Variants in ELSPBP1 observed in about 807,000 individuals in gnomAD.
ELSPBP1 encodes epididymal sperm-binding protein 1.
ELSPBP1 carries 38 observed loss-of-function variants against 33.3 expected under a neutral mutation model. The ratio of observed to expected loss-of-function variants is 1.14; its 90% CI spans 0.88 to 1.50. The LOEUF is 1.50. ELSPBP1 is among the 40% of genes most tolerant of loss of function. The pLI, the probability that ELSPBP1 is intolerant of heterozygous loss-of-function variation, is 0.00. For missense variants in ELSPBP1, 267 were observed against 263.5 expected, an observed-to-expected ratio of 1.01 and a Z score of -0.09; for synonymous variants, 85 against 94.1, an observed-to-expected ratio of 0.90 and a Z score of 0.56.
At chr19:48,017,045 CAGCTCTATG>C (rs896135580) in intron 4 of ELSPBP1, among the ~76,000 whole-genome samples, 1 of 152,210 alleles carries the variant, frequency 6.6e-6, no homozygotes, top group African/African-American at 2.4e-5. Flanking sequence ...CTTTCCATAG[CAGCTCTATG>C]AGCTGCTGCT....
At chr19:48,001,753 G>A (rs370720301) in intron 1 of ELSPBP1, among the ~76,000 whole-genome samples, 3 of 150,814 alleles carry the variant, frequency 2.0e-5, no homozygotes, top group African/African-American at 7.3e-5. Context: ...GGGTCTCACT[G>A]TGTTACCTAG....
chr19:48,006,380 G>A (rs150888963), intron 1 of ELSPBP1, among the ~76,000 whole-genome samples: 1,720 of 152,088 alleles, frequency 0.011, 23 homozygotes, highest in African/African-American at 0.04. Context: ...TTAAGAGGCC[G>A]AGGCGGGTGG....
Position 48,011,746 on chromosome 19 carries a change from G to A in ELSPBP1, c.71-2425G>A, listed in dbSNP as rs1967082066. Among the ~76,000 whole-genome samples the A allele has an allele frequency of 6.6e-6, 1 of 151,828 alleles. No homozygotes were observed. Among genetic ancestry groups the A allele is most frequent in the Non-Finnish European group, 1.5e-5 (1 of 67,956 alleles). The stretch of plus-strand genomic sequence containing the variant: ...CATTATGATGATGCCAATGACAATA[G>A]CGTGGAGAATGATGATGATGACAGT... On this transcript the variant is annotated intron_variant, in intron 2 of 6. Transcript: ENST00000339841. The surrounding 1 kb of genome is among the most constrained non-coding windows in gnomAD (Gnocchi z 4.5).
At chr19:47,994,951 G>A (rs569765146) in intron 1 of ELSPBP1, 140 bp downstream of exon 1, 1 of 152,164 alleles carries the variant, frequency 6.6e-6, no homozygotes, top group Non-Finnish European at 1.5e-5. Flanking sequence ...TTTTATAGCA[G>A]AAGCACTTTA....
At chr19:48,009,406 A>G (rs1208869579) in intron 2 of ELSPBP1, among the ~76,000 whole-genome samples, 2 of 152,222 alleles carry the variant, frequency 1.3e-5, no homozygotes, top group African/African-American at 2.4e-5. Context: ...CCCAACCTGG[A>G]CAACCTAATT....
chr19:47,998,680 G>A lies in ELSPBP1; in HGVS notation c.-18+3869G>A, dbSNP rs190486599. Among the ~76,000 whole-genome samples, 587 of 152,014 alleles carry A rather than the reference G, an allele frequency of 3.9e-3. 1 individual carries two copies. Among genetic ancestry groups the A allele is most frequent in the African/African-American group, 0.014 (560 of 41,456 alleles). On this transcript the variant is annotated intron_variant, in intron 1 of 6. Coordinates refer to ENST00000339841, the MANE Select transcript of ELSPBP1 (RefSeq NM_022142.5). ...TGGGCGCCTGTAGTCCCAGCTACGC[G>A]GGAGGCTGAGGCAGGAGAATGGCGT...
intron 1 of ELSPBP1, among the ~76,000 whole-genome samples, chr19:48,003,791 C>T (rs1183075807): frequency 6.6e-6 from 1 of 151,318 alleles, no homozygotes; most frequent in Non-Finnish European, 1.5e-5. Context: ...GACGATCTGC[C>T]CACCTCATCC....
chr19:48,007,040 C>T (rs1435334126), intron 1 of ELSPBP1, among the ~76,000 whole-genome samples: 2 of 152,042 alleles, frequency 1.3e-5, no homozygotes, highest in South Asian at 2.1e-4. Context: ...TGATTCCTGG[C>T]GGTATCTGGG....
intron 2 of ELSPBP1, among the ~76,000 whole-genome samples, chr19:48,012,158 C>T (rs1452644221): frequency 6.6e-6 from 1 of 152,184 alleles, no homozygotes; most frequent in East Asian, 1.9e-4. Context: ...CAGGGTCTCA[C>T]TCTGTCACCC....
chr19:48,016,447 TTC>T (rs1259768276), intron 4 of ELSPBP1, among the ~76,000 whole-genome samples: 3 of 148,210 alleles, frequency 2.0e-5, no homozygotes, highest in African/African-American at 7.5e-5. Context: ...TCCCTCCCTT[TTC>T]TCTTTCTTTT....
chr19:48,014,883 G>A (rs1967115264), intron 3 of ELSPBP1, among the ~76,000 whole-genome samples: 2 of 152,126 alleles, frequency 1.3e-5, no homozygotes, highest in South Asian at 4.1e-4. Flanking sequence ...TGTAAGACTA[G>A]TTGACCCAAT....
intron 2 of ELSPBP1, among the ~76,000 whole-genome samples, chr19:48,009,221 A>G (rs1366126746): frequency 6.6e-5 from 10 of 152,102 alleles, no homozygotes; most frequent in Admixed American, 5.9e-4. Flanking sequence ...TGGTCAAGCA[A>G]CATAAGCTCT....
chr19:48,006,958 G>T (rs1600103990), intron 1 of ELSPBP1, among the ~76,000 whole-genome samples: 1 of 152,154 alleles, frequency 6.6e-6, no homozygotes, highest in African/African-American at 2.4e-5. Context: ...AGTTTGGGGC[G>T]TGTTGTGTGG....
At chr19:48,021,030 T>C (rs181629019) in intron 5 of ELSPBP1, among the ~76,000 whole-genome samples, 11 of 152,218 alleles carry the variant, frequency 7.2e-5, no homozygotes, top group Non-Finnish European at 1.5e-4. Flanking sequence ...CTCTGTTGCC[T>C]CAAGCTGCTG....
At chr19:48,003,375 C>T (rs748079792) in intron 1 of ELSPBP1, among the ~76,000 whole-genome samples, 3 of 151,950 alleles carry the variant, frequency 2.0e-5, no homozygotes, top group East Asian at 1.9e-4. Context: ...AAGAGAAGAG[C>T]GAGTGCAAAG....
rs966026543 is a variant in ELSPBP1 at position 48,019,830 on chromosome 19, C to G, written c.467C>G (p.Thr156Arg). The G allele has an allele frequency of 2.5e-6, 4 of 1,613,702 alleles. No individual in the cohort carries two copies. Among genetic ancestry groups the G allele is most frequent in the Non-Finnish European group, 3.4e-6 (4 of 1,179,790 alleles). Residue 156 changes from threonine (T) to arginine (R), a missense_variant, in exon 5 of 7, where the codon ACA (threonine) becomes AGA (arginine). By Grantham distance (71) the Thr-to-Arg change is moderately conservative. Coordinates refer to ENST00000339841, the MANE Select transcript of ELSPBP1 (RefSeq NM_022142.5). ...AGCAACAAGCTCTGGTGCCCAACCA[C>G]AGAGAACATGGATAAGGATGGAAAG... ...DESNKLWCPTTENMDKDGKWS... is the reference protein window; with the variant it reads ...DESNKLWCPTRENMDKDGKWS...
chr19:48,011,441 A>AGGAG lies in ELSPBP1; in HGVS notation c.70+2704_70+2705insGGAG. On this transcript the variant is annotated intron_variant, in intron 2 of 6. Transcript: ENST00000339841. The surrounding 1 kb of genome is among the most constrained non-coding windows in gnomAD (Gnocchi z 4.5). ...GATGAGGAGGAGAATAATGATCACG[A>AGGAG]TGACAGTGATGATGATGACAATGAC... 1.5e-5 allele frequency among the ~76,000 whole-genome samples: 1 copy of AGGAG among 68,632 alleles called. No homozygotes were observed. The highest frequency in any genetic ancestry group is 1.3e-3 in the East Asian group (1 of 774). 45.0% of individuals were successfully genotyped at this position (68,632 alleles called of 152,430 possible).
chr19:48,013,190 A>C (rs567537785), intron 2 of ELSPBP1, among the ~76,000 whole-genome samples: 1 of 152,196 alleles, frequency 6.6e-6, no homozygotes, highest in Non-Finnish European at 1.5e-5. Context: ...ATCCACCAAA[A>C]AGTATTTTGT....
Position 48,008,587 on chromosome 19 carries a change from C to A in ELSPBP1, c.-17-64C>A, listed in dbSNP as rs1008895342. On this transcript the variant is annotated intron_variant, in intron 1 of 6. Transcript: ENST00000339841. ...AAAAATGGCATGTATGACGTCAAAT[C>A]TAGGAGGTAATGGGAAGAGGAAGGG... is the stretch of plus-strand genomic sequence containing the variant. 1.2e-5 allele frequency: 14 copies of A among 1,155,096 alleles called. No individual in the cohort carries two copies. In the African/African-American group the frequency reaches 1.5e-4, roughly 13 times the overall value. The allele number at this position is 1,155,096 out of a possible 1,614,324, so 71.6% of individuals were successfully genotyped here.
Sources: allele counts gnomAD v4.1 joint callset (sites outside exome capture counted in the v4.1 genomes callset), GRCh38; gene constraint gnomAD v4.1.1; non-coding constraint Gnocchi (gnomAD v3.1); transcripts MANE v1.5; gene names NCBI Gene and HGNC (gene_info 2026-07-23, HGNC 2026-07-21).